OTOGL: variants seen among roughly 807,000 people sequenced by gnomAD.
OTOGL encodes otogelin like.
In OTOGL, 285 loss-of-function variants were observed where a neutral mutation model predicts 318.5. The observed-to-expected ratio is 0.89, with a 90% CI of 0.81 to 0.99. OTOGL has a LOEUF of 0.99. Ranked by LOEUF, OTOGL falls within the 50% of genes least tolerant of loss-of-function variation. The pLI, the probability that OTOGL is intolerant of heterozygous loss-of-function variation, is 0.00. For synonymous variants in OTOGL, 987 were observed against 936.5 expected, an observed-to-expected ratio of 1.05 and a Z score of -0.99; for missense variants, 2,899 against 2,845.6, an observed-to-expected ratio of 1.02 and a Z score of -0.43.
intron 1 of OTOGL, among the ~76,000 whole-genome samples, chr12:80,125,696 A>ATT (rs1262879389): frequency 2.0e-5 from 3 of 152,120 alleles, no homozygotes; most frequent in Admixed American, 1.3e-4. Flanking sequence ...TAAGCTATTA[A>ATT]TTATTGCCTC....
intron 11 of OTOGL, among the ~76,000 whole-genome samples, chr12:80,244,619 T>C (rs1164951618): frequency 1.3e-5 from 2 of 149,912 alleles, no homozygotes; most frequent in Non-Finnish European, 1.5e-5. Context: ...TGAATAATGC[T>C]GCAATAAACA....
chr12:80,187,476 G>A (rs1875373253), intron 1 of OTOGL, among the ~76,000 whole-genome samples: 1 of 152,010 alleles, frequency 6.6e-6, no homozygotes, highest in Non-Finnish European at 1.5e-5. Flanking sequence ...CAGGATGAGA[G>A]GTGCACAGAA....
At chr12:80,103,405 G>A (rs1869262791) in intron 1 of OTOGL, 4 of 741,830 alleles carry the variant, frequency 5.4e-6, no homozygotes, top group Non-Finnish European at 9.2e-6. Flanking sequence ...TTTGACTGTG[G>A]CATCTTCTCA....
intron 26 of OTOGL, among the ~76,000 whole-genome samples, chr12:80,289,571 A>C (rs115362725): frequency 0.032 from 4,941 of 152,256 alleles, 268 homozygotes; most frequent in African/African-American, 0.11. Flanking sequence ...TGGCTGCTGC[A>C]TTTCTTTCAG....
chr12:80,143,494 C>T lies in OTOGL; in HGVS notation c.-20+43889C>T, dbSNP rs200156665. 1.2e-4 allele frequency among the ~76,000 whole-genome samples: 18 copies of T among 152,274 alleles called. No individual in the cohort carries two copies. In the East Asian group the frequency reaches 3.5e-3, roughly 29 times the overall value. On this transcript the variant is annotated intron_variant, in intron 1 of 58. Coordinates refer to ENST00000547103, the MANE Select transcript of OTOGL (RefSeq NM_001378609.3). The stretch of plus-strand genomic sequence containing the variant: ...ATTGGAAAGTGTTCTTCCTCTCTTT[C>T]CCTTACCAGCCTTAATTTCTCCCAT...
rs1369748215 is a variant in OTOGL at position 80,262,042 on chromosome 12, G to A, written c.1963G>A (p.Ala655Thr). 3 of 1,612,846 alleles carry A rather than the reference G, an allele frequency of 1.9e-6. No homozygotes were observed. The highest frequency in any genetic ancestry group is 1.3e-5 in the African/African-American group (1 of 74,862). The change falls in exon 19 of 59, where the codon GCA (alanine) becomes ACA (threonine). Residue 655 changes from alanine (A) to threonine (T), a missense_variant. Transcript: ENST00000547103. Reference sequence around the variant, plus strand: ...GTGGAGAGTTTCTTCTACCTGTTTTGCACCTGTTCATGTCCCAGTGGTGGA... The same window carrying A: ...GTGGAGAGTTTCTTCTACCTGTTTTACACCTGTTCATGTCCCAGTGGTGGA... ...NAWRVSSTCFAPVHVPVVDPC... is the reference protein window; with the variant it reads ...NAWRVSSTCFTPVHVPVVDPC...
chr12:80,336,946 A>T lies in OTOGL; in HGVS notation c.4802A>T (p.Lys1601Met). ...PSGRISGLCF[K>M]KLNVTTPIHK... is the part of the protein sequence containing the mutation. ...GGAAGAATCTCTGGACTTTGTTTTA[A>T]GAAGTTAAATGTGACAACACCCATA... The change falls in exon 42 of 59, where the codon AAG becomes ATG. Residue 1601 changes from lysine to methionine, a missense_variant. Coordinates refer to ENST00000547103, the MANE Select transcript of OTOGL (RefSeq NM_001378609.3). 1 of 1,595,906 alleles carries T rather than the reference A, an allele frequency of 6.3e-7. No individual in the cohort carries two copies. The highest frequency in any genetic ancestry group is 8.5e-7 in the Non-Finnish European group (1 of 1,170,134).
chr12:80,197,820 G>T (rs141686775), intron 1 of OTOGL, among the ~76,000 whole-genome samples: 1 of 152,326 alleles, frequency 6.6e-6, no homozygotes, highest in African/African-American at 2.4e-5. Context: ...GAGCGATGGG[G>T]TTGAACTCCA....
chr12:80,293,995 C>G (rs1195087978), intron 26 of OTOGL, among the ~76,000 whole-genome samples: 1 of 152,006 alleles, frequency 6.6e-6, no homozygotes, highest in African/African-American at 2.4e-5. Context: ...AAGGTGCTGA[C>G]AGTTTCTGTT....
chr12:80,205,243 A>G (rs994227920), intron 1 of OTOGL, among the ~76,000 whole-genome samples: 36 of 152,204 alleles, frequency 2.4e-4, no homozygotes, highest in African/African-American at 8.4e-4. Context: ...GAGAATGAAG[A>G]TAGCTGCAGA....
chr12:80,294,226 T>C (rs1885233811), intron 26 of OTOGL, among the ~76,000 whole-genome samples: 1 of 152,048 alleles, frequency 6.6e-6, no homozygotes, highest in Non-Finnish European at 1.5e-5. Flanking sequence ...TTTAGGTGTA[T>C]TGCTATTGTT....
intron 1 of OTOGL, among the ~76,000 whole-genome samples, chr12:80,142,892 C>A (rs748509057): frequency 1.1e-4 from 17 of 152,012 alleles, no homozygotes; most frequent in Non-Finnish European, 1.9e-4. Context: ...AGGGGCTTTC[C>A]CATGCTACAT....
In OTOGL at chr12:80,219,840, G is replaced by A; in HGVS notation, c.262G>A (p.Gly88Arg). The A allele has an allele frequency of 6.3e-7, 1 of 1,590,012 alleles. No individual in the cohort carries two copies. The highest frequency in any genetic ancestry group is 8.5e-7 in the Non-Finnish European group (1 of 1,173,370). Residue 88 changes from glycine (G) to arginine (R), a missense_variant, in exon 6 of 59, where the codon GGA (glycine) becomes AGA (arginine). Transcript: ENST00000547103. ...TTCTTGTCCTTATGAATGCCTTAAT[G>A]GAGCTTTCTGTTCTAAGACTGGAAC... ...KGSCPYECLN[G>R]AFCSKTGTCD...
At chr12:80,176,226 T>G (rs186191191) in intron 1 of OTOGL, among the ~76,000 whole-genome samples, 12 of 152,342 alleles carry the variant, frequency 7.9e-5, no homozygotes, top group Non-Finnish European at 1.6e-4. Context: ...ACTCTGGTCT[T>G]ATTTTTCAAA....
At chr12:80,260,979 T>G (rs1322704986) in intron 18 of OTOGL, among the ~76,000 whole-genome samples, 3 of 152,118 alleles carry the variant, frequency 2.0e-5, no homozygotes, top group African/African-American at 7.2e-5. Context: ...TTGCAGTTCT[T>G]TACAGTTATG....
Position 80,258,133 on chromosome 12 carries a change from G to A in OTOGL, c.1889+131G>A, listed in dbSNP as rs571312562. 334 of 838,228 alleles carry A rather than the reference G, an allele frequency of 4.0e-4. 2 individuals carry two copies. The African/African-American group carries it at 4.9e-3, about 12-fold the overall frequency. The allele number at this position is 838,228 out of a possible 1,614,324, so 51.9% of individuals were successfully genotyped here. A position where few individuals can be genotyped will look rare whatever the true frequency, so the allele number is the denominator to read the frequency against. On this transcript the variant is annotated intron_variant, in intron 18 of 58. Transcript: ENST00000547103. The stretch of plus-strand genomic sequence containing the variant: ...TCCCAAGAGATTTACATGGATCATC[G>A]TATTTAAAATGTATAGCAATCTCTG...
intron 13 of OTOGL, 92 bp from the exon 14 acceptor site, chr12:80,253,374 T>A: frequency 9.2e-7 from 1 of 1,092,328 alleles, no homozygotes; most frequent in East Asian, 2.5e-5. Context: ...CATGCGTAGG[T>A]ATTCAACAGA....
chr12:80,234,108 G>A (rs1399012951), intron 9 of OTOGL, among the ~76,000 whole-genome samples: 1 of 151,932 alleles, frequency 6.6e-6, no homozygotes, highest in African/African-American at 2.4e-5. Context: ...TCATTAAGAT[G>A]GGGTCTTGCT....
chr12:80,359,306 T>A (rs997894657), intron 52 of OTOGL, among the ~76,000 whole-genome samples: 1 of 152,188 alleles, frequency 6.6e-6, no homozygotes. Flanking sequence ...TTAAGCGTTA[T>A]CTGCGAACAT....
Sources: allele counts gnomAD v4.1 joint callset (sites outside exome capture counted in the v4.1 genomes callset), GRCh38; gene constraint gnomAD v4.1.1; transcripts MANE v1.5; gene names NCBI Gene and HGNC (gene_info 2026-07-23, HGNC 2026-07-21).